The following LASP1 variants were observed in gnomAD, a reference collection of about 807,000 sequenced individuals.
LASP1 encodes the protein LIM and SH3 domain protein 1.
Under a neutral mutation model 38.6 loss-of-function variants are expected in LASP1, and 10 were observed. The observed-to-expected ratio is 0.26, with a 90% CI of 0.16 to 0.44. The LOEUF is 0.44. Ranked by LOEUF, LASP1 falls within the 20% of genes least tolerant of loss-of-function variation. LASP1 has a pLI of 1.00. For missense variants in LASP1, 243 were observed against 375.7 expected, an observed-to-expected ratio of 0.65 and a Z score of 2.92; for synonymous variants, 132 against 140.8, an observed-to-expected ratio of 0.94 and a Z score of 0.44.
intron 2 of LASP1, among the ~76,000 whole-genome samples, chr17:38,889,993 G>A (rs547402213): frequency 6.6e-6 from 1 of 152,270 alleles, no homozygotes; most frequent in East Asian, 1.9e-4. Flanking sequence ...TGCATGGTCG[G>A]TCTCCACTTC....
At chr17:38,882,889 G>T (rs1179904013) in intron 2 of LASP1, among the ~76,000 whole-genome samples, 1 of 152,150 alleles carries the variant, frequency 6.6e-6, no homozygotes, top group Non-Finnish European at 1.5e-5. Context: ...TTCTCTGACT[G>T]CACATATTTG....
At chr17:38,873,293 G>C (rs921337280) in intron 1 of LASP1, among the ~76,000 whole-genome samples, 1 of 152,124 alleles carries the variant, frequency 6.6e-6, no homozygotes, top group Non-Finnish European at 1.5e-5. Context: ...CTGAAGCTTA[G>C]AGTACCCCAC....
intron 3 of LASP1, chr17:38,896,865 C>T (rs1028631111): frequency 2.4e-5 from 23 of 970,504 alleles, no homozygotes; most frequent in Non-Finnish European, 2.7e-5. Flanking sequence ...GCCCCCTCCC[C>T]ATATTATACC....
chr17:38,894,883 G>A (rs1203067337), intron 3 of LASP1, among the ~76,000 whole-genome samples: 3 of 152,012 alleles, frequency 2.0e-5, no homozygotes, highest in Non-Finnish European at 2.9e-5. Flanking sequence ...GACTACAGGC[G>A]TGCATCACCA....
intron 4 of LASP1, among the ~76,000 whole-genome samples, chr17:38,904,129 A>G (rs1261293130): frequency 6.6e-6 from 1 of 152,250 alleles, no homozygotes; most frequent in African/African-American, 2.4e-5. Context: ...CCAGGCAGGT[A>G]TACCATACAT....
At chr17:38,916,395 A>G (rs528133844) in intron 6 of LASP1, 3 of 151,508 alleles carry the variant, frequency 2.0e-5, no homozygotes, top group East Asian at 1.9e-4. Flanking sequence ...CCCCCTGTCT[A>G]CCAAAAATAC....
chr17:38,901,095 G>A (rs935131693), intron 4 of LASP1, among the ~76,000 whole-genome samples: 2 of 152,196 alleles, frequency 1.3e-5, no homozygotes, highest in African/African-American at 2.4e-5. Context: ...AGTGACACTT[G>A]CTCCCAATGT....
chr17:38,912,067 T>A (rs187703837), intron 4 of LASP1, among the ~76,000 whole-genome samples: 139 of 152,360 alleles, frequency 9.1e-4, no homozygotes, highest in African/African-American at 3.2e-3. Context: ...GTTCTGGGAT[T>A]ACAGGCGTGA....
At chr17:38,902,912 C>T (rs962073793) in intron 4 of LASP1, among the ~76,000 whole-genome samples, 2 of 151,976 alleles carry the variant, frequency 1.3e-5, no homozygotes, top group Admixed American at 6.6e-5. Context: ...CATATTGGCT[C>T]GGCTGGTCTC....
chr17:38,881,699 A>T lies in LASP1; in HGVS notation c.164+3519A>T, dbSNP rs547878136. ...GGGCCAAGCCCAGTGCAGGACCCGT[A>T]GGGGCACGTGGTTTCTTCTGGCACT... On this transcript the variant is annotated intron_variant, in intron 2 of 6. Coordinates refer to ENST00000318008, the MANE Select transcript of LASP1 (RefSeq NM_006148.4). Among the ~76,000 whole-genome samples the T allele has an allele frequency of 2.1e-4, 32 of 152,320 alleles. No individual in the cohort carries two copies. The South Asian group carries it at 6.4e-3, about 31-fold the overall frequency.
chr17:38,896,400 A>G (rs1914492721), intron 3 of LASP1, among the ~76,000 whole-genome samples: 1 of 152,062 alleles, frequency 6.6e-6, no homozygotes, highest in South Asian at 2.1e-4. Context: ...CTCCCTTCTC[A>G]GCCCCTACCC....
intron 1 of LASP1, 26 bp from the exon 2 acceptor site, chr17:38,878,060 G>A (rs370102049): frequency 4.0e-5 from 63 of 1,566,018 alleles, no homozygotes; most frequent in Admixed American, 1.3e-4. Context: ...GGTATCTGAT[G>A]TATGTCCTCC....
intron 1 of LASP1, among the ~76,000 whole-genome samples, chr17:38,871,251 G>A (rs983079425): frequency 9.9e-5 from 15 of 151,882 alleles, no homozygotes; most frequent in African/African-American, 2.9e-4. Flanking sequence ...TTTGGAGGGG[G>A]GTTGGAGAGT....
At chr17:38,917,886 G>A (rs147937366) in intron 6 of LASP1, among the ~76,000 whole-genome samples, 7 of 151,922 alleles carry the variant, frequency 4.6e-5, no homozygotes, top group East Asian at 1.9e-4. Flanking sequence ...ATGGGCTCAC[G>A]CTAGTACTTT....
At chr17:38,906,458 G>T (rs1914778119) in intron 4 of LASP1, among the ~76,000 whole-genome samples, 1 of 152,120 alleles carries the variant, frequency 6.6e-6, no homozygotes, top group Non-Finnish European at 1.5e-5. Flanking sequence ...GAACTTGGAA[G>T]GTGGAGGTTG....
At chr17:38,896,693 A>G (rs992613047) in intron 3 of LASP1, among the ~76,000 whole-genome samples, 5 of 152,152 alleles carry the variant, frequency 3.3e-5, no homozygotes, top group Admixed American at 1.3e-4. Flanking sequence ...CACTGTCTGT[A>G]TCGTGGGTTG....
In LASP1 at chr17:38,918,549, T is replaced by C; in HGVS notation, c.613-56T>C. 1.3e-6 allele frequency: 2 copies of C among 1,515,532 alleles called. No individual in the cohort carries two copies. 93.9% of individuals were successfully genotyped at this position (1,515,532 alleles called of 1,614,324 possible). A position where few individuals can be genotyped will look rare whatever the true frequency, so the allele number is the denominator to read the frequency against. ...GTCGTGGAGAGTTAGAAAAAAATGC[T>C]CAGACCCAGGTGAGCCGGCATGCAG... On this transcript the variant is annotated intron_variant, in intron 6 of 6. Coordinates refer to ENST00000318008, the MANE Select transcript of LASP1 (RefSeq NM_006148.4). The surrounding 1 kb of genome is among the most constrained non-coding windows in gnomAD (Gnocchi z 4.4).
At chr17:38,883,940 C>T (rs1431906730) in intron 2 of LASP1, among the ~76,000 whole-genome samples, 2 of 151,664 alleles carry the variant, frequency 1.3e-5, no homozygotes, top group Non-Finnish European at 2.9e-5. Flanking sequence ...AGCAGGGAGC[C>T]CTCCCTTCCC....
chr17:38,886,471 T>C (rs991197986), intron 2 of LASP1, among the ~76,000 whole-genome samples: 1 of 152,136 alleles, frequency 6.6e-6, no homozygotes, highest in African/African-American at 2.4e-5. Flanking sequence ...ATTAAAATCC[T>C]CCCTCACTCC....
Sources: gnomAD v4.1 joint callset for allele counts (sites outside exome capture counted in the v4.1 genomes callset) on GRCh38, gnomAD v4.1.1 for gene constraint, Gnocchi (gnomAD v3.1) non-coding constraint, MANE v1.5 for transcripts, NCBI Gene and HGNC (gene_info 2026-07-23, HGNC 2026-07-21) for gene names.